TGFBI: variants seen among roughly 807,000 people sequenced by gnomAD.
TGFBI encodes transforming growth factor beta induced, also known as transforming growth factor-beta-induced protein ig-h3.
TGFBI carries 50 observed loss-of-function variants against 73.7 expected under a neutral mutation model. The observed-to-expected ratio is 0.68, with a 90% CI of 0.54 to 0.86. The LOEUF (loss-of-function observed/expected upper bound fraction) is 0.86. TGFBI is among the 40% of genes least tolerant of loss of function. The pLI is 0.00. For missense variants in TGFBI, 839 were observed against 877.0 expected (o/e 0.96, Z 0.55); for synonymous variants, 362 against 360.5 (o/e 1.00, Z -0.05).
chr5:136,043,948 C>A lies in TGFBI; in HGVS notation c.234-110C>A, dbSNP rs1025592323. On this transcript the variant is annotated intron_variant, in intron 2 of 16. Coordinates refer to ENST00000442011, the MANE Select transcript of TGFBI (RefSeq NM_000358.3). The stretch of plus-strand genomic sequence containing the variant: ...AACTCCTAAGAGGAGAGTGTTTCAC[C>A]CACCATTCCTCTTCCTTGGCTGTGG... 5 of 846,286 alleles carry A rather than the reference C, an allele frequency of 5.9e-6. No homozygotes were observed. In the South Asian group the frequency reaches 6.1e-5, roughly 10 times the overall value. The allele number at this position is 846,286 out of a possible 1,614,324, so 52.4% of individuals were successfully genotyped here. A position where few individuals can be genotyped will look rare whatever the true frequency, so the allele number is the denominator to read the frequency against.
At position 136,056,671 on chromosome 5, in the gene TGFBI, G is replaced by A; in HGVS notation, c.1554G>A (p.Leu518=). 1.9e-6 allele frequency: 3 copies of A among 1,613,914 alleles called. No individual in the cohort carries two copies. The highest frequency in any genetic ancestry group is 8.5e-7 in the Non-Finnish European group (1 of 1,179,884). The change falls in exon 12 of 17, where the codon CTG becomes CTA. Residue 518 remains leucine, a synonymous_variant. Coordinates refer to ENST00000442011, the MANE Select transcript of TGFBI (RefSeq NM_000358.3). ...TCTGTGTGTGTATCTACAGCATGCT[G>A]GTAGCTGCCATCCAGTCTGCAGGAC... ...VLKGDNRFSM[L]VAAIQSAGLT... is the part of the protein sequence containing the mutation.
chr5:136,063,002 A>G (rs45529036), intron 16 of TGFBI, among the ~76,000 whole-genome samples, 184 bp from the exon 17 acceptor site: 4,659 of 152,302 alleles, frequency 0.031, 236 homozygotes, highest in African/African-American at 0.11. Flanking sequence ...TGATAGGTAC[A>G]GAAAACCAGA....
rs371923032 is a variant in TGFBI at position 136,056,715 on chromosome 5, G to A, written c.1598G>A (p.Arg533Gln). 2.0e-5 allele frequency: 32 copies of A among 1,613,704 alleles called. No individual in the cohort carries two copies. Among genetic ancestry groups the A allele is most frequent in the Non-Finnish European group, 2.5e-5 (30 of 1,179,856 alleles). ...QSAGLTETLN[R>Q]EGVYTVFAPT... The stretch of plus-strand genomic sequence containing the variant: ...GCAGGACTGACGGAGACCCTCAACC[G>A]GGAAGGAGTCTACACAGTCTTTGCT... Residue 533 changes from arginine to glutamine, a missense_variant, in exon 12 of 17, where the codon CGG (arginine) becomes CAG (glutamine). Coordinates refer to ENST00000442011, the MANE Select transcript of TGFBI (RefSeq NM_000358.3).
chr5:136,043,776 A>G (rs1409812956), intron 2 of TGFBI, among the ~76,000 whole-genome samples: 1 of 152,230 alleles, frequency 6.6e-6, no homozygotes, highest in African/African-American at 2.4e-5. Context: ...TATGTTTTCT[A>G]GTCACAACAT....
chr5:136,061,111 C>G (rs1751739516), intron 14 of TGFBI, 175 bp downstream of exon 14: 4 of 600,870 alleles, frequency 6.7e-6, no homozygotes, highest in Non-Finnish European at 1.2e-5. Flanking sequence ...TTTGAATGCA[C>G]CACACTAAGG....
intron 11 of TGFBI, 145 bp from the exon 12 acceptor site, chr5:136,056,520 T>G: frequency 9.4e-7 from 1 of 1,065,868 alleles, no homozygotes; most frequent in South Asian, 1.6e-5. Context: ...ACGGAGGGCA[T>G]GAAAACCAAG....
intron 10 of TGFBI, chr5:136,055,348 G>C: frequency 8.5e-6 from 2 of 235,858 alleles, no homozygotes; most frequent in Non-Finnish European, 1.6e-5. Flanking sequence ...GCTAAAGATG[G>C]TTATCATCTG....
intron 11 of TGFBI, 90 bp from the exon 12 acceptor site, chr5:136,056,575 A>G (rs776665133): frequency 2.0e-5 from 31 of 1,558,758 alleles, no homozygotes; most frequent in Non-Finnish European, 2.6e-5. Context: ...CTCAGTGGTG[A>G]GGTATTTAAG....
chr5:136,063,234 C>A lies in TGFBI; in HGVS notation c.*8C>A. On this transcript the variant is annotated 3_prime_UTR_variant, in exon 17 of 17. Coordinates refer to ENST00000442011, the MANE Select transcript of TGFBI (RefSeq NM_000358.3). Reference sequence around the variant, plus strand: ...GAGAGGATGAAGCATTAGCTTGAAGCACTACAGGAGGAATGCACCACGGCA... The same window carrying A: ...GAGAGGATGAAGCATTAGCTTGAAGAACTACAGGAGGAATGCACCACGGCA... The A allele has an allele frequency of 6.2e-7, 1 of 1,612,898 alleles. No homozygotes were observed. Among genetic ancestry groups the A allele is most frequent in the Non-Finnish European group, 8.5e-7 (1 of 1,179,036 alleles).
chr5:136,052,045 C>T (rs1366214328), intron 7 of TGFBI, among the ~76,000 whole-genome samples: 1 of 152,146 alleles, frequency 6.6e-6, no homozygotes, highest in African/African-American at 2.4e-5. Flanking sequence ...GAGCAGCAGT[C>T]CAGGCCACCT....
chr5:136,031,283 C>T (rs1024112596), intron 1 of TGFBI, among the ~76,000 whole-genome samples: 5 of 152,350 alleles, frequency 3.3e-5, no homozygotes, highest in Middle Eastern at 3.4e-3. Context: ...AGGGCTGTGG[C>T]GCCTTGTGCA....
At chr5:136,046,243 G>A (rs1381991219) in intron 3 of TGFBI, 92 bp from the exon 4 acceptor site, 1 of 1,498,722 alleles carries the variant, frequency 6.7e-7, no homozygotes, top group East Asian at 2.3e-5. Flanking sequence ...CTCTCCACCT[G>A]TAGATGTACC....
At position 136,053,950 on chromosome 5, in the gene TGFBI, A is replaced by G. The variant is rs1010228478; in HGVS notation, c.1134A>G (p.Thr378=). ...CTTTCTCCTTCCTTGTAGCCAAGAC[A>G]CTATTTGAATTGGCTGCAGAGTCTG... is the stretch of plus-strand genomic sequence containing the variant. ...DELLIPDSAK[T]LFELAAESDV... The change falls in exon 9 of 17, where the codon ACA becomes ACG. Residue 378 remains threonine, a synonymous_variant. Transcript: ENST00000442011. 12 of 1,613,830 alleles carry G rather than the reference A, an allele frequency of 7.4e-6. No individual in the cohort carries two copies. In the Admixed American group the frequency reaches 1.5e-4, roughly 20 times the overall value.
chr5:136,046,279 T>C, intron 3 of TGFBI, 56 bp from the exon 4 acceptor site: 2 of 1,598,042 alleles, frequency 1.3e-6, no homozygotes, highest in Non-Finnish European at 1.7e-6. Context: ...GAAGGGAGGG[T>C]GTGGTTGGGC....
chr5:136,055,431 A>T (rs1751612055), intron 10 of TGFBI: 1 of 383,774 alleles, frequency 2.6e-6, no homozygotes, highest in Non-Finnish European at 4.6e-6. Context: ...TGTGTAACTG[A>T]TATTCTCATT....
intron 11 of TGFBI, 39 bp from the exon 12 acceptor site, chr5:136,056,626 C>T: frequency 6.2e-7 from 1 of 1,613,220 alleles, no homozygotes; most frequent in Non-Finnish European, 8.5e-7. Context: ...AAGGAAAATA[C>T]CTGTTGACAG....
At chr5:136,049,743 C>T (rs1394553027) in intron 7 of TGFBI, 163 bp downstream of exon 7, 7 of 767,396 alleles carry the variant, frequency 9.1e-6, no homozygotes, top group South Asian at 2.0e-5. Flanking sequence ...TTCAGCTAAC[C>T]GTGTCTCTAG....
intron 1 of TGFBI, among the ~76,000 whole-genome samples, chr5:136,033,252 A>C (rs552293142): frequency 6.6e-6 from 1 of 152,270 alleles, no homozygotes; most frequent in African/African-American, 2.4e-5. Context: ...TCCTGGGGGA[A>C]GTGGGACTTG....
intron 11 of TGFBI, chr5:136,056,403 T>G: frequency 2.3e-6 from 1 of 436,544 alleles, no homozygotes; most frequent in South Asian, 2.8e-5. Context: ...TGCCCTTTCT[T>G]TTCCCTCCTT....
Sources: gnomAD v4.1 joint callset for allele counts (sites outside exome capture counted in the v4.1 genomes callset) on GRCh38, gnomAD v4.1.1 for gene constraint, MANE v1.5 for transcripts, NCBI Gene and HGNC (gene_info 2026-07-23, HGNC 2026-07-21) for gene names.